The following SNAP91 variants were observed in gnomAD, a reference collection of about 807,000 sequenced individuals.
SNAP91 encodes the protein synaptosome associated protein 91.
SNAP91 carries 27 observed loss-of-function variants against 100.3 expected under a neutral mutation model. The observed-to-expected ratio is 0.27, with a 90% CI of 0.20 to 0.37. The LOEUF is 0.37. Ranked by LOEUF, SNAP91 falls within the 10% of genes least tolerant of loss-of-function variation. SNAP91 has a pLI of 1.00. For synonymous variants in SNAP91, 404 were observed against 398.6 expected, an observed-to-expected ratio of 1.01 and a Z score of -0.16; for missense variants, 986 against 1,123.7, an observed-to-expected ratio of 0.88 and a Z score of 1.75.
intron 8 of SNAP91, among the ~76,000 whole-genome samples, chr6:83,638,384 T>A (rs980831105): frequency 6.6e-6 from 1 of 152,142 alleles, no homozygotes; most frequent in Non-Finnish European, 1.5e-5. Context: ...TCTGGAATTA[T>A]CCTTCTAATG....
intron 3 of SNAP91, among the ~76,000 whole-genome samples, chr6:83,663,170 C>G (rs12199980): frequency 6.6e-6 from 1 of 152,082 alleles, no homozygotes; most frequent in Non-Finnish European, 1.5e-5. Context: ...CTGACTTTCT[C>G]CCTTTCCTCA....
At chr6:83,657,190 C>T (rs1044899288) in intron 6 of SNAP91, among the ~76,000 whole-genome samples, 9 of 152,146 alleles carry the variant, frequency 5.9e-5, no homozygotes, top group African/African-American at 9.7e-5. Context: ...TGTTACATTT[C>T]TTCCACTTCT....
At chr6:83,635,223 T>C (rs1238829263) in intron 8 of SNAP91, among the ~76,000 whole-genome samples, 5 of 152,204 alleles carry the variant, frequency 3.3e-5, no homozygotes, top group Admixed American at 2.6e-4. Context: ...ATCTGTCTAA[T>C]GCTTTCAGTG....
chr6:83,706,365 A>T (rs1275547351), intron 2 of SNAP91, among the ~76,000 whole-genome samples: 1 of 152,250 alleles, frequency 6.6e-6, no homozygotes, highest in African/African-American at 2.4e-5. Context: ...TGATCTGGTC[A>T]CAAATTTACA....
At chr6:83,684,310 A>G (rs2099031287) in intron 2 of SNAP91, among the ~76,000 whole-genome samples, 1 of 152,168 alleles carries the variant, frequency 6.6e-6, no homozygotes, top group Non-Finnish European at 1.5e-5. Context: ...AAAGGCTGAC[A>G]CAGACCTCCT....
chr6:83,665,756 T>C (rs767577711), intron 2 of SNAP91, among the ~76,000 whole-genome samples, 175 bp from the exon 3 acceptor site: 2 of 152,110 alleles, frequency 1.3e-5, no homozygotes, highest in Non-Finnish European at 2.9e-5. Context: ...GACATGTACA[T>C]ATATTATTTA....
In SNAP91 at chr6:83,656,351, G is replaced by T. The variant is rs139010862; in HGVS notation, c.658+403C>A. ...ATATCAGAAATGGAGGTTATGAATA[G>T]GCTAAACAGCATAGGCTTCCCATCG... On this transcript the variant is annotated intron_variant, in intron 7 of 29. Coordinates refer to ENST00000369694, the MANE Select transcript of SNAP91 (RefSeq NM_001242792.2). Among the ~76,000 whole-genome samples the T allele has an allele frequency of 4.9e-3, 753 of 152,228 alleles. 10 individuals carry two copies. Among genetic ancestry groups the T allele is most frequent in the African/African-American group, 0.017 (714 of 41,530 alleles).
At chr6:83,703,472 T>A (rs933218740) in intron 2 of SNAP91, among the ~76,000 whole-genome samples, 2 of 152,212 alleles carry the variant, frequency 1.3e-5, no homozygotes, top group African/African-American at 4.8e-5. Context: ...AACTCACTTT[T>A]AGGTTTAAAT....
At chr6:83,624,488 A>G (rs1478076255) in intron 8 of SNAP91, among the ~76,000 whole-genome samples, 2 of 152,160 alleles carry the variant, frequency 1.3e-5, no homozygotes, top group Non-Finnish European at 2.9e-5. Flanking sequence ...TACAAAGACA[A>G]TAAAGCAAAC....
At chr6:83,665,313 C>T (rs1049019933) in intron 3 of SNAP91, 126 bp downstream of exon 3, 46 of 925,744 alleles carry the variant, frequency 5.0e-5, no homozygotes, top group Admixed American at 7.5e-5. Context: ...CTAGATGATC[C>T]GGAACTGTGT....
rs2099121312 is a variant in SNAP91 at position 83,690,804 on chromosome 6, TAAGA to T, written c.130+16990_130+16993del. Among the ~76,000 whole-genome samples, 6 of 152,206 alleles carry T rather than the reference TAAGA, an allele frequency of 3.9e-5. No individual in the cohort carries two copies. The South Asian group carries it at 1.2e-3, about 32-fold the overall frequency. ...TCTAAAAATTATTACTTAATTAGTG[TAAGA>T]AAGGCATATTTTTAAGGACTTTCAA... On this transcript the variant is annotated intron_variant, in intron 2 of 29. Transcript: ENST00000369694.
Position 83,625,871 on chromosome 6 carries a change from A to G in SNAP91, c.766-2529T>C, listed in dbSNP as rs78421156. 1.4e-3 allele frequency among the ~76,000 whole-genome samples: 217 copies of G among 152,032 alleles called. 5 individuals carry two copies. The East Asian group carries it at 0.033, about 23-fold the overall frequency. On this transcript the variant is annotated intron_variant, in intron 8 of 29. Transcript: ENST00000369694. ...AGTTTCTTTTGCTGTGCAGCTCTTT[A>G]AATAAGTCTTAGTTGTCAATTTTAA...
intron 14 of SNAP91, among the ~76,000 whole-genome samples, chr6:83,602,696 A>C (rs978195337): frequency 2.6e-5 from 4 of 152,172 alleles, no homozygotes; most frequent in African/African-American, 4.8e-5. Flanking sequence ...TTTCTTTATT[A>C]GCATTTCCCC....
At chr6:83,580,266 T>G (rs1387973487) in intron 24 of SNAP91, among the ~76,000 whole-genome samples, 184 bp downstream of exon 24, 2 of 152,120 alleles carry the variant, frequency 1.3e-5, no homozygotes, top group African/African-American at 4.8e-5. Flanking sequence ...GCATAGGAAC[T>G]GTTTGCCTTC....
At chr6:83,670,806 T>A (rs368370636) in intron 2 of SNAP91, among the ~76,000 whole-genome samples, 50 of 151,860 alleles carry the variant, frequency 3.3e-4, no homozygotes, top group African/African-American at 1.2e-3. Context: ...CAAAAATAAA[T>A]GGACCACAAA....
At chr6:83,665,976 A>C (rs1160565283) in intron 2 of SNAP91, among the ~76,000 whole-genome samples, 6 of 152,124 alleles carry the variant, frequency 3.9e-5, no homozygotes, top group Non-Finnish European at 1.5e-5. Context: ...TTTGAAGGCA[A>C]TAACATAAAT....
chr6:83,617,445 T>C (rs2096543431), intron 9 of SNAP91, among the ~76,000 whole-genome samples: 1 of 151,880 alleles, frequency 6.6e-6, no homozygotes, highest in African/African-American at 2.4e-5. Flanking sequence ...AATTTGAAAA[T>C]ACAGTAAAAT....
At chr6:83,654,412 C>A (rs1457099767) in intron 7 of SNAP91, among the ~76,000 whole-genome samples, 3 of 152,166 alleles carry the variant, frequency 2.0e-5, no homozygotes, top group Non-Finnish European at 4.4e-5. Context: ...AAGCTCCTTC[C>A]ATGTGGAACT....
intron 11 of SNAP91, among the ~76,000 whole-genome samples, chr6:83,613,157 A>G (rs570720167): frequency 6.6e-6 from 1 of 152,282 alleles, no homozygotes; most frequent in Admixed American, 6.5e-5. Context: ...TGAATTATGC[A>G]AACAAACAAA....
Sources: allele counts gnomAD v4.1 joint callset (sites outside exome capture counted in the v4.1 genomes callset), GRCh38; gene constraint gnomAD v4.1.1; transcripts MANE v1.5; gene names NCBI Gene and HGNC (gene_info 2026-07-23, HGNC 2026-07-21).